Variants in CACNA2D3 observed in about 807,000 individuals in gnomAD.
The protein encoded by CACNA2D3 is calcium voltage-gated channel auxiliary subunit alpha2delta 3, also known as voltage-dependent calcium channel subunit alpha-2/delta-3.
In CACNA2D3, 60 loss-of-function variants were observed where a neutral mutation model predicts 160.6. The ratio of observed to expected loss-of-function variants is 0.37; its 90% CI spans 0.30 to 0.46. The LOEUF is 0.46. CACNA2D3 is among the 20% of genes least tolerant of loss of function. CACNA2D3 has a pLI of 1.00. For missense variants in CACNA2D3, 1,205 were observed against 1,365.0 expected, an observed-to-expected ratio of 0.88 and a Z score of 1.85; for synonymous variants, 558 against 492.9, an observed-to-expected ratio of 1.13 and a Z score of -1.75.
At chr3:54,352,289 G>A (rs550277103) in intron 3 of CACNA2D3, among the ~76,000 whole-genome samples, 1 of 152,244 alleles carries the variant, frequency 6.6e-6, no homozygotes, top group East Asian at 1.9e-4. Context: ...CACCTACTTC[G>A]TAGGATTTGT....
At chr3:54,465,866 A>G (rs1211002230) in intron 4 of CACNA2D3, among the ~76,000 whole-genome samples, 1 of 152,172 alleles carries the variant, frequency 6.6e-6, no homozygotes, top group Non-Finnish European at 1.5e-5. Flanking sequence ...GGCTGAAGGT[A>G]AGGTGCTGGC....
chr3:54,646,407 C>A (rs115943270), intron 11 of CACNA2D3, among the ~76,000 whole-genome samples: 818 of 47,706 alleles, frequency 0.017, 8 homozygotes, highest in African/African-American at 0.028. Flanking sequence ...TGCTCTCTCA[C>A]CCCACAAAGG....
intron 13 of CACNA2D3, among the ~76,000 whole-genome samples, chr3:54,769,585 G>A (rs1383412996): frequency 1.3e-5 from 2 of 152,054 alleles, no homozygotes; most frequent in African/African-American, 2.4e-5. Flanking sequence ...ATGAGAATAC[G>A]ACCTGCCTTC....
intron 2 of CACNA2D3, among the ~76,000 whole-genome samples, chr3:54,318,661 T>A (rs1703921087): frequency 6.6e-6 from 1 of 151,702 alleles, no homozygotes; most frequent in Non-Finnish European, 1.5e-5. Flanking sequence ...CATGTCTAGG[T>A]TCCTACCTGC....
At chr3:54,616,810 C>T (rs1378325588) in intron 9 of CACNA2D3, among the ~76,000 whole-genome samples, 2 of 152,148 alleles carry the variant, frequency 1.3e-5, no homozygotes, top group Non-Finnish European at 2.9e-5. Flanking sequence ...AATTCATTCT[C>T]TCATTCTTAA....
intron 3 of CACNA2D3, among the ~76,000 whole-genome samples, chr3:54,350,968 G>GGTTTTTTT (rs1698542647): frequency 5.3e-5 from 3 of 56,106 alleles, no homozygotes; most frequent in Non-Finnish European, 1.0e-4. Flanking sequence ...TCTTGAGTCT[G>GGTTTTTTT]TTTTTTTTTT....
At chr3:54,763,680 T>G in intron 12 of CACNA2D3, among the ~76,000 whole-genome samples, 1 of 144,694 alleles carries the variant, frequency 6.9e-6, no homozygotes, top group Non-Finnish European at 1.5e-5. Flanking sequence ...TATATATGTA[T>G]ATATGTGTGT....
chr3:54,778,477 T>C (rs1702464879), intron 13 of CACNA2D3, among the ~76,000 whole-genome samples: 1 of 152,072 alleles, frequency 6.6e-6, no homozygotes, highest in Non-Finnish European at 1.5e-5. Flanking sequence ...TATCCTTTGG[T>C]CTCAGTTTCA....
At chr3:54,211,963 A>G (rs1701380721) in intron 2 of CACNA2D3, among the ~76,000 whole-genome samples, 1 of 152,208 alleles carries the variant, frequency 6.6e-6, no homozygotes, top group Admixed American at 6.5e-5. Context: ...TTATTTAGCT[A>G]GTAAGACTGC....
intron 9 of CACNA2D3, among the ~76,000 whole-genome samples, chr3:54,584,775 A>C (rs1008387852): frequency 1.3e-5 from 2 of 152,208 alleles, no homozygotes; most frequent in African/African-American, 4.8e-5. Flanking sequence ...AAACAGCCAG[A>C]GAGAAAGGAC....
chr3:54,405,740 T>C (rs955538561), intron 4 of CACNA2D3, among the ~76,000 whole-genome samples: 1 of 152,050 alleles, frequency 6.6e-6, no homozygotes, highest in African/African-American at 2.4e-5. Flanking sequence ...ACTAAATAGC[T>C]TCTGCACAGC....
intron 14 of CACNA2D3, among the ~76,000 whole-genome samples, chr3:54,829,885 CTTTTTTT>C (rs58291013): frequency 0.012 from 795 of 64,324 alleles, 3 homozygotes; most frequent in South Asian, 0.026. Flanking sequence ...TCTTCTTCAT[CTTTTTTT>C]TTTTTTTTTT....
At chr3:54,234,424 T>C (rs2107397767) in intron 2 of CACNA2D3, among the ~76,000 whole-genome samples, 1 of 152,320 alleles carries the variant, frequency 6.6e-6, no homozygotes, top group South Asian at 2.1e-4. Context: ...GTAAATTAGT[T>C]CAACTATTGT....
At chr3:55,061,628 C>T (rs888074598) in intron 35 of CACNA2D3, among the ~76,000 whole-genome samples, 2 of 152,204 alleles carry the variant, frequency 1.3e-5, no homozygotes, top group African/African-American at 4.8e-5. Context: ...TATGCATTTC[C>T]CAGCAGGCAT....
chr3:54,730,305 A>G (rs566539243), intron 11 of CACNA2D3, among the ~76,000 whole-genome samples: 46 of 152,238 alleles, frequency 3.0e-4, no homozygotes, highest in African/African-American at 1.0e-3. Flanking sequence ...AAGAAGACAC[A>G]TTTGTGAAAC....
Position 54,942,885 on chromosome 3 carries a change from G to A in CACNA2D3, c.2450-25565G>A, listed in dbSNP as rs554683805. The stretch of plus-strand genomic sequence containing the variant: ...TAAAAATACAAAAAATTAGCCAGGC[G>A]CGGTGGCACGTGCCTGTAGTCCCAG... On this transcript the variant is annotated intron_variant, in intron 27 of 37. Coordinates refer to ENST00000474759, the MANE Select transcript of CACNA2D3 (RefSeq NM_018398.3). 3.1e-4 allele frequency among the ~76,000 whole-genome samples: 47 copies of A among 152,170 alleles called. No individual in the cohort carries two copies. The South Asian group carries it at 7.5e-3, about 24-fold the overall frequency.
intron 11 of CACNA2D3, among the ~76,000 whole-genome samples, chr3:54,700,284 A>T (rs1320988638): frequency 6.6e-6 from 1 of 152,184 alleles, no homozygotes; most frequent in African/African-American, 2.4e-5. Flanking sequence ...TCCCACTGAT[A>T]CTGATTTCTT....
At chr3:54,791,515 C>CT (rs1163266514) in intron 13 of CACNA2D3, among the ~76,000 whole-genome samples, 1 of 152,186 alleles carries the variant, frequency 6.6e-6, no homozygotes, top group African/African-American at 2.4e-5. Flanking sequence ...ATGACTCTAG[C>CT]TTTTAACCAA....
intron 13 of CACNA2D3, among the ~76,000 whole-genome samples, chr3:54,810,469 A>G (rs1429107544): frequency 6.6e-6 from 1 of 152,200 alleles, no homozygotes; most frequent in Non-Finnish European, 1.5e-5. Flanking sequence ...CACATTGCTT[A>G]ATGAAGAAGA....
Sources: allele counts gnomAD v4.1 joint callset (sites outside exome capture counted in the v4.1 genomes callset), GRCh38; gene constraint gnomAD v4.1.1; transcripts MANE v1.5; gene names NCBI Gene and HGNC (gene_info 2026-07-23, HGNC 2026-07-21).